GMDS: variants seen among roughly 807,000 people sequenced by gnomAD.
GMDS encodes the protein GDP-mannose 4,6 dehydratase.
GMDS carries 20 observed loss-of-function variants against 49.9 expected under a neutral mutation model. That is an observed-to-expected ratio of 0.40 (90% confidence interval 0.28 to 0.58). The LOEUF is 0.58. GMDS is among the 20% of genes least tolerant of loss of function. The pLI is 0.42. For synonymous variants in GMDS, 177 were observed against 178.6 expected (o/e 0.99, Z 0.07); for missense variants, 362 against 481.4 (o/e 0.75, Z 2.32).
At chr6:2,023,900 T>A (rs1768423546) in intron 4 of GMDS, among the ~76,000 whole-genome samples, 1 of 152,058 alleles carries the variant, frequency 6.6e-6, no homozygotes, top group African/African-American at 2.4e-5. Flanking sequence ...AAGAAATAGA[T>A]AATATGTGAG....
At chr6:2,021,418 C>T (rs1384032319) in intron 4 of GMDS, among the ~76,000 whole-genome samples, 4 of 151,708 alleles carry the variant, frequency 2.6e-5, no homozygotes, top group South Asian at 2.1e-4. Flanking sequence ...TTAAGATAGT[C>T]GATTAACAGA....
chr6:2,115,574 A>C (rs186209151), intron 4 of GMDS, among the ~76,000 whole-genome samples, 197 bp downstream of exon 4: 1 of 152,240 alleles, frequency 6.6e-6, no homozygotes, highest in Admixed American at 6.5e-5. Flanking sequence ...GTTTTATTAT[A>C]TTGTTTAATA....
At chr6:2,075,215 T>C (rs1439270679) in intron 4 of GMDS, among the ~76,000 whole-genome samples, 3 of 152,196 alleles carry the variant, frequency 2.0e-5, no homozygotes, top group African/African-American at 2.4e-5. Flanking sequence ...ATATAGTAGA[T>C]GCCTTTGAGC....
At chr6:2,175,448 T>C (rs1183406905) in intron 1 of GMDS, among the ~76,000 whole-genome samples, 1 of 152,184 alleles carries the variant, frequency 6.6e-6, no homozygotes, top group Non-Finnish European at 1.5e-5. Context: ...ATGTAAAAAC[T>C]GTTAAGCAAA....
chr6:1,893,182 TTTTTTG>T (rs1759962213), intron 7 of GMDS, among the ~76,000 whole-genome samples: 1 of 148,702 alleles, frequency 6.7e-6, no homozygotes, highest in Non-Finnish European at 1.5e-5. Flanking sequence ...TCATCTCTGG[TTTTTTG>T]TTTTCTTTTT....
At chr6:2,231,624 G>A (rs1781115466) in intron 1 of GMDS, among the ~76,000 whole-genome samples, 1 of 152,100 alleles carries the variant, frequency 6.6e-6, no homozygotes, top group Non-Finnish European at 1.5e-5. Flanking sequence ...AATGAAATCT[G>A]AAACAACCAA....
intron 1 of GMDS, among the ~76,000 whole-genome samples, chr6:2,205,595 A>T (rs1346527031): frequency 6.6e-6 from 1 of 152,206 alleles, no homozygotes; most frequent in African/African-American, 2.4e-5. Flanking sequence ...ATGACATCCA[A>T]ATGCCTACAT....
intron 7 of GMDS, among the ~76,000 whole-genome samples, chr6:1,775,473 C>T (rs1768760188): frequency 6.6e-6 from 1 of 152,128 alleles, no homozygotes; most frequent in African/African-American, 2.4e-5. Context: ...AGAAAATTAC[C>T]ACAAGTATAC....
chr6:1,760,194 C>T (rs1768105404), intron 7 of GMDS, among the ~76,000 whole-genome samples: 2 of 152,142 alleles, frequency 1.3e-5, no homozygotes, highest in Admixed American at 1.3e-4. Flanking sequence ...TGCGAGGTGC[C>T]CTGAGGCTCC....
chr6:1,726,390 G>T, intron 9 of GMDS, 26 bp downstream of exon 9: 2 of 1,479,098 alleles, frequency 1.4e-6, no homozygotes, highest in Non-Finnish European at 1.9e-6. Flanking sequence ...ATGTGGCCAC[G>T]CACTGGGTGG....
intron 9 of GMDS, among the ~76,000 whole-genome samples, chr6:1,644,418 A>G (rs763656873): frequency 5.9e-5 from 9 of 152,200 alleles, no homozygotes; most frequent in Non-Finnish European, 1.3e-4. Flanking sequence ...GCTGCATATG[A>G]GCCGCTAGGC....
chr6:2,170,531 G>A (rs767805072), intron 1 of GMDS, among the ~76,000 whole-genome samples: 1 of 152,004 alleles, frequency 6.6e-6, no homozygotes, highest in Non-Finnish European at 1.5e-5. Context: ...GGAGGCTGAC[G>A]TGGGAGGATC....
intron 1 of GMDS, among the ~76,000 whole-genome samples, chr6:2,196,253 C>A (rs1779271732): frequency 6.6e-6 from 1 of 152,238 alleles, no homozygotes; most frequent in African/African-American, 2.4e-5. Context: ...ATGCTATATA[C>A]TTGAGCCACC....
At chr6:2,202,356 T>A (rs958003013) in intron 1 of GMDS, among the ~76,000 whole-genome samples, 3 of 151,350 alleles carry the variant, frequency 2.0e-5, no homozygotes, top group Non-Finnish European at 4.4e-5. Context: ...GATGAAACCA[T>A]CTAGGCAGTG....
At chr6:2,020,973 A>G (rs1363397333) in intron 4 of GMDS, among the ~76,000 whole-genome samples, 1 of 152,242 alleles carries the variant, frequency 6.6e-6, no homozygotes, top group Admixed American at 6.5e-5. Context: ...GTTTTGTAAC[A>G]TCATCTTCCT....
chr6:2,036,870 C>G (rs1490663617), intron 4 of GMDS, among the ~76,000 whole-genome samples: 3 of 152,154 alleles, frequency 2.0e-5, no homozygotes, highest in African/African-American at 7.2e-5. Context: ...GCGTAGCTCA[C>G]CTTATGCTAT....
intron 7 of GMDS, among the ~76,000 whole-genome samples, chr6:1,889,291 C>T: frequency 6.6e-6 from 1 of 152,168 alleles, no homozygotes; most frequent in Non-Finnish European, 1.5e-5. Context: ...TAGCATTTCC[C>T]TTTGTGACTG....
chr6:1,927,338 G>A (rs11753441), intron 7 of GMDS, among the ~76,000 whole-genome samples: 1 of 147,874 alleles, frequency 6.8e-6, no homozygotes, highest in African/African-American at 2.5e-5. Context: ...TTTTTATTCG[G>A]AGGGTAGCGT....
intron 2 of GMDS, among the ~76,000 whole-genome samples, chr6:2,120,026 C>T (rs527553960): frequency 2.0e-5 from 3 of 152,250 alleles, no homozygotes; most frequent in Non-Finnish European, 4.4e-5. Flanking sequence ...TTCTTAGTGT[C>T]TAGATTTCTC....
Sources: gnomAD v4.1 joint callset for allele counts (sites outside exome capture counted in the v4.1 genomes callset) on GRCh38, gnomAD v4.1.1 for gene constraint, MANE v1.5 for transcripts, NCBI Gene and HGNC (gene_info 2026-07-23, HGNC 2026-07-21) for gene names.